The following DNAH6 variants were observed in gnomAD, a reference collection of about 807,000 sequenced individuals.
The protein encoded by DNAH6 is dynein axonemal heavy chain 6.
In DNAH6, 340 loss-of-function variants were observed where a neutral mutation model predicts 491.4. The observed-to-expected ratio is 0.69, with a 90% confidence interval of 0.63 to 0.76. The LOEUF is 0.76. Ranked by LOEUF, DNAH6 falls within the 30% of genes least tolerant of loss-of-function variation. The pLI, the probability that DNAH6 is intolerant of heterozygous loss-of-function variation, is 0.00. For synonymous variants in DNAH6, 1,603 were observed against 1,686.1 expected (o/e 0.95, Z 1.21); for missense variants, 4,443 against 4,972.2 (o/e 0.89, Z 3.20).
At chr2:84,468,873 C>T in the DNAH6 span, among the ~76,000 whole-genome samples, 559 of 152,180 alleles carry the variant, frequency 3.7e-3, 2 homozygotes, top group Non-Finnish European at 5.6e-3. Flanking sequence ...GAGAAAGTAC[C>T]GCCACATGAT....
At chr2:84,476,395 G>A in the DNAH6 span, among the ~76,000 whole-genome samples, 1 of 152,178 alleles carries the variant, frequency 6.6e-6, no homozygotes, top group Non-Finnish European at 1.5e-5. Flanking sequence ...AAGTTTTGTA[G>A]CTAATTCATC....
At chr2:84,746,470 A>G (rs1573681696) in intron 63 of DNAH6, among the ~76,000 whole-genome samples, 1 of 152,226 alleles carries the variant, frequency 6.6e-6, no homozygotes, top group African/African-American at 2.4e-5. Flanking sequence ...TGAATGAAGC[A>G]TTCATGGCAG....
At chr2:84,612,669 G>A (rs918412318) in intron 22 of DNAH6, among the ~76,000 whole-genome samples, 1 of 152,010 alleles carries the variant, frequency 6.6e-6, no homozygotes, top group Admixed American at 6.6e-5. Context: ...TCAGGACACC[G>A]ACCTCTGTTT....
chr2:84,570,490 T>C (rs1681681019), intron 11 of DNAH6, among the ~76,000 whole-genome samples: 2 of 151,938 alleles, frequency 1.3e-5, no homozygotes. Context: ...CAATCAGCAC[T>C]CTGTGTCTAG....
chr2:84,699,575 AT>A lies in DNAH6; in HGVS notation c.7678-18del. On this transcript the variant is annotated intron_variant, in intron 47 of 76. Coordinates refer to ENST00000389394, the MANE Select transcript of DNAH6 (RefSeq NM_001370.2). Reference sequence around the variant, plus strand: ...TTAATCATTATTTTAAACTGAAAAAATAACTTTCTTTTTGTCAGGTGTTTCA... The same window carrying A: ...TTAATCATTATTTTAAACTGAAAAAAAACTTTCTTTTTGTCAGGTGTTTCA... The A allele has an allele frequency of 6.5e-7, 1 of 1,543,618 alleles. No homozygotes were observed. The highest frequency in any genetic ancestry group is 8.8e-7 in the Non-Finnish European group (1 of 1,142,456).
chr2:84,603,752 T>C (rs181145324), intron 18 of DNAH6, among the ~76,000 whole-genome samples: 29 of 152,312 alleles, frequency 1.9e-4, no homozygotes, highest in Middle Eastern at 3.4e-3. Flanking sequence ...CAATGAGTTA[T>C]CACTAGTGCC....
intron 37 of DNAH6, among the ~76,000 whole-genome samples, chr2:84,667,367 T>C (rs186825988): frequency 9.2e-5 from 14 of 151,978 alleles, no homozygotes; most frequent in Admixed American, 4.6e-4. Flanking sequence ...AGGGCTAATA[T>C]CCAGAATCTA....
chr2:84,748,578 A>G (rs1673179089), intron 63 of DNAH6, among the ~76,000 whole-genome samples: 1 of 152,072 alleles, frequency 6.6e-6, no homozygotes, highest in Non-Finnish European at 1.5e-5. Flanking sequence ...CCTGGCTTTC[A>G]CTGTTCATAT....
intron 64 of DNAH6, among the ~76,000 whole-genome samples, chr2:84,776,180 G>C (rs571908239): frequency 7.4e-4 from 113 of 152,328 alleles, no homozygotes; most frequent in Non-Finnish European, 1.0e-3. Context: ...CCCAGGATGT[G>C]ACTGATTGGG....
In DNAH6 at chr2:84,595,840, T is replaced by C. The variant is rs1684526106; in HGVS notation, c.2868+51T>C. 6 of 1,499,902 alleles carry C rather than the reference T, an allele frequency of 4.0e-6. No individual in the cohort carries two copies. The Admixed American group carries it at 1.4e-4, about 35-fold the overall frequency. The allele number at this position is 1,499,902 out of a possible 1,614,324, so 92.9% of individuals were successfully genotyped here. A position where few individuals can be genotyped will look rare whatever the true frequency, so the allele number is the denominator to read the frequency against. On this transcript the variant is annotated intron_variant, in intron 18 of 76. Coordinates refer to ENST00000389394, the MANE Select transcript of DNAH6 (RefSeq NM_001370.2). The stretch of plus-strand genomic sequence containing the variant: ...AAACTGTAGGCCAGTTGGTTATTAA[T>C]TGATGCTAATGAGACCAAAATCAGG...
At chr2:84,640,120 A>G (rs1421251479) in intron 31 of DNAH6, among the ~76,000 whole-genome samples, 4 of 152,180 alleles carry the variant, frequency 2.6e-5, no homozygotes, top group African/African-American at 9.7e-5. Context: ...GACACCATCC[A>G]ACTTTCACGA....
intron 45 of DNAH6, among the ~76,000 whole-genome samples, chr2:84,691,524 T>C (rs1694844735): frequency 6.6e-6 from 1 of 152,212 alleles, no homozygotes; most frequent in Admixed American, 6.5e-5. Flanking sequence ...TGGGTCTTCG[T>C]TGTTCTAGTA....
At position 84,745,159 on chromosome 2, in the gene DNAH6, G is replaced by A. The variant is rs1426221333; in HGVS notation, c.10422G>A (p.Gln3474=). The A allele has an allele frequency of 2.6e-6, 4 of 1,549,766 alleles. No individual in the cohort carries two copies. The Admixed American group carries it at 5.9e-5, about 23-fold the overall frequency. The change falls in exon 63 of 77, where the codon CAG becomes CAA. Residue 3474 remains glutamine, a synonymous_variant. Transcript: ENST00000389394. The part of the protein sequence containing the change: ...KMKHEDKHMR[Q]EKEAAHQDPW... The stretch of plus-strand genomic sequence containing the variant: ...AACACGAAGATAAACACATGAGACA[G>A]GAAAAGGAGGCAGCACACCAAGATC...
At chr2:84,619,978 T>C in intron 24 of DNAH6, 74 bp downstream of exon 24, 1 of 1,268,736 alleles carries the variant, frequency 7.9e-7, no homozygotes, top group Non-Finnish European at 1.1e-6. Flanking sequence ...ACTCTAAGCA[T>C]ACAGGTACTC....
intron 10 of DNAH6, among the ~76,000 whole-genome samples, chr2:84,554,491 G>A (rs1177508533): frequency 2.6e-5 from 4 of 152,160 alleles, no homozygotes; most frequent in Non-Finnish European, 5.9e-5. Context: ...GCTGTACTCT[G>A]ATTCAAAAGC....
At chr2:84,584,348 T>TGTAAATATA in intron 15 of DNAH6, 98 bp downstream of exon 15, 2 of 1,205,528 alleles carry the variant, frequency 1.7e-6, no homozygotes, top group Non-Finnish European at 2.3e-6. Context: ...TTGTATATAT[T>TGTAAATATA]TACAATATAT....
At chr2:84,814,170 C>T (rs948096829) in intron 75 of DNAH6, 48 bp downstream of exon 75, 8 of 1,528,900 alleles carry the variant, frequency 5.2e-6, no homozygotes, top group Non-Finnish European at 7.1e-6. Flanking sequence ...ATCCCACTGT[C>T]TTTGAAGATT....
chr2:84,494,296 G>A, the DNAH6 span, among the ~76,000 whole-genome samples: 4 of 152,254 alleles, frequency 2.6e-5, no homozygotes, highest in Non-Finnish European at 4.4e-5. Flanking sequence ...TTTGTTTGCC[G>A]GATACAGGTT....
intron 11 of DNAH6, among the ~76,000 whole-genome samples, chr2:84,567,951 TATATA>T (rs982347257): frequency 2.5e-4 from 38 of 152,204 alleles, no homozygotes; most frequent in African/African-American, 8.4e-4. Flanking sequence ...ATATGTATAT[TATATA>T]ATACATTATG....
Sources: allele counts gnomAD v4.1 joint callset (sites outside exome capture counted in the v4.1 genomes callset), GRCh38; gene constraint gnomAD v4.1.1; transcripts MANE v1.5; gene names NCBI Gene and HGNC (gene_info 2026-07-23, HGNC 2026-07-21).